Variants in TIAM1 observed in about 807,000 individuals in gnomAD.
TIAM1 encodes the protein rho guanine nucleotide exchange factor TIAM1.
In TIAM1, 65 loss-of-function variants were observed where a neutral mutation model predicts 163.5. The observed-to-expected ratio is 0.40, with a 90% confidence interval of 0.33 to 0.49. TIAM1 has a LOEUF of 0.49. Among genes scored for constraint, TIAM1 ranks in the 20% least tolerant of loss-of-function variants. The probability of loss-of-function intolerance (pLI) is 0.77; values close to 1 mark genes in which losing one functional copy is unlikely to be tolerated. For missense variants in TIAM1, 1,789 were observed against 2,044.7 expected (o/e 0.87, Z 2.41); for synonymous variants, 833 against 810.1 (o/e 1.03, Z -0.48).
chr21:31,488,254 G>A (rs1286957908), intron 1 of TIAM1, among the ~76,000 whole-genome samples: 2 of 152,200 alleles, frequency 1.3e-5, no homozygotes, highest in African/African-American at 4.8e-5. Flanking sequence ...GGTCCTCATA[G>A]CTACCCTTAT....
At chr21:31,364,902 G>A (rs1204412555) in intron 2 of TIAM1, among the ~76,000 whole-genome samples, 4 of 152,144 alleles carry the variant, frequency 2.6e-5, no homozygotes, top group Non-Finnish European at 5.9e-5. Flanking sequence ...CAATCTTTGC[G>A]AGCCATATAC....
At chr21:31,503,066 T>C (rs990317305) in intron 1 of TIAM1, among the ~76,000 whole-genome samples, 6 of 152,150 alleles carry the variant, frequency 3.9e-5, no homozygotes, top group African/African-American at 7.2e-5. Context: ...AAGGTCAAAA[T>C]TGTCCATAAT....
chr21:31,232,345 T>C (rs2088488807), intron 6 of TIAM1, among the ~76,000 whole-genome samples: 3 of 152,116 alleles, frequency 2.0e-5, no homozygotes, highest in Non-Finnish European at 2.9e-5. Flanking sequence ...TTGCTCCCAC[T>C]GTCTTGTCTA....
At chr21:31,469,271 CA>C (rs112641052) in intron 1 of TIAM1, among the ~76,000 whole-genome samples, 4,098 of 151,132 alleles carry the variant, frequency 0.027, 190 homozygotes, top group African/African-American at 0.095. Context: ...TGGGAAGCAG[CA>C]GGGGGGTTGG....
intron 2 of TIAM1, among the ~76,000 whole-genome samples, chr21:31,356,915 C>T (rs965933041): frequency 4.6e-5 from 7 of 152,016 alleles, no homozygotes; most frequent in Admixed American, 2.6e-4. Flanking sequence ...CCCATGGGTT[C>T]GAGACCAGGC....
At chr21:31,199,556 A>C (rs1422453815) in intron 12 of TIAM1, among the ~76,000 whole-genome samples, 3 of 149,076 alleles carry the variant, frequency 2.0e-5, no homozygotes, top group Admixed American at 6.6e-5. Flanking sequence ...TTTGAGACAG[A>C]ATCTGGCTTT....
chr21:31,228,245 A>AATAATCTGATAAGGATCTTTCCTTT (rs1555897901), intron 6 of TIAM1, among the ~76,000 whole-genome samples: 1 of 67,090 alleles, frequency 1.5e-5, no homozygotes, highest in Non-Finnish European at 3.8e-5. Context: ...AAAAAAAAAA[A>AATAATCTGATAAGGATCTTTCCTTT]AAAAAAAAAA....
At chr21:31,204,992 C>T (rs1234193181) in intron 11 of TIAM1, among the ~76,000 whole-genome samples, 1 of 152,164 alleles carries the variant, frequency 6.6e-6, no homozygotes, top group African/African-American at 2.4e-5. Flanking sequence ...ATATTTGAGA[C>T]CAGATGCTCA....
intron 1 of TIAM1, among the ~76,000 whole-genome samples, chr21:31,498,594 G>C (rs1053884933): frequency 2.0e-5 from 3 of 152,178 alleles, no homozygotes; most frequent in African/African-American, 4.8e-5. Context: ...AAATGTGATT[G>C]ATATTTGTAT....
intron 2 of TIAM1, among the ~76,000 whole-genome samples, chr21:31,282,513 C>A (rs933815932): frequency 6.6e-6 from 1 of 152,178 alleles, no homozygotes; most frequent in African/African-American, 2.4e-5. Context: ...TGGCTCACAG[C>A]TGATTGTAGC....
chr21:31,218,370 C>A (rs1032122514), intron 8 of TIAM1, among the ~76,000 whole-genome samples: 1 of 152,076 alleles, frequency 6.6e-6, no homozygotes, highest in African/African-American at 2.4e-5. Flanking sequence ...GAGTTCGAGA[C>A]CAGCCTGGCC....
chr21:31,527,819 C>T (rs1325709331), intron 1 of TIAM1, among the ~76,000 whole-genome samples: 1 of 152,114 alleles, frequency 6.6e-6, no homozygotes, highest in East Asian at 1.9e-4. Context: ...CACTTGTGGT[C>T]AACAGTCTCT....
At chr21:31,536,523 C>A (rs2048140402) in intron 1 of TIAM1, among the ~76,000 whole-genome samples, 1 of 152,200 alleles carries the variant, frequency 6.6e-6, no homozygotes, top group Admixed American at 6.5e-5. Context: ...AAACTCTCAC[C>A]CGATACTCTT....
At chr21:31,329,311 T>C (rs2075599264) in intron 2 of TIAM1, among the ~76,000 whole-genome samples, 1 of 152,184 alleles carries the variant, frequency 6.6e-6, no homozygotes, top group Admixed American at 6.5e-5. Context: ...AGATGCTGAC[T>C]TCAAAAGTCA....
At chr21:31,313,493 G>A (rs2075003109) in intron 2 of TIAM1, among the ~76,000 whole-genome samples, 1 of 152,172 alleles carries the variant, frequency 6.6e-6, no homozygotes, top group South Asian at 2.1e-4. Flanking sequence ...TCACAATATA[G>A]AGAAAAGAAA....
At position 31,266,419 on chromosome 21, in the gene TIAM1, A is replaced by G. The variant is rs756487781; in HGVS notation, c.554T>C (p.Leu185Pro). 3.1e-6 allele frequency: 5 copies of G among 1,614,182 alleles called. No homozygotes were observed. Among genetic ancestry groups the G allele is most frequent in the Non-Finnish European group, 4.2e-6 (5 of 1,180,040 alleles). ...IWREDSLEFS[L>P]SDLSQEHLTS... is the part of the protein sequence containing the mutation. ...TAAATGTTCTTGGCTCAGATCAGAG[A>G]GTGAGAATTCCAGGCTGTCCTCCCG... Residue 185 changes from leucine to proline, a missense_variant, in exon 4 of 28, where the codon CTC becomes CCC. Leu to Pro is a moderately conservative substitution (Grantham distance 98). Around this residue, in one of 5 missense-constraint regions of TIAM1, gnomAD observed 555 missense variants for 564.9 expected, o/e 0.98. Coordinates refer to ENST00000541036, the MANE Select transcript of TIAM1 (RefSeq NM_001353694.2).
At chr21:31,494,379 C>T (rs1464592208) in intron 1 of TIAM1, among the ~76,000 whole-genome samples, 1 of 152,184 alleles carries the variant, frequency 6.6e-6, no homozygotes, top group African/African-American at 2.4e-5. Flanking sequence ...TTTCCTATTT[C>T]CAATGAAGAA....
rs139939471 is a variant in TIAM1, at chr21:31,141,763, C to T, written c.3476-259G>A. On this transcript the variant is annotated intron_variant, in intron 20 of 27. Transcript: ENST00000541036. The surrounding 1 kb of genome is among the most constrained non-coding windows in gnomAD (Gnocchi z 4.7). Reference sequence around the variant, plus strand: ...TGACGGAGTGTAGACTGCAGACACCCGGATTTCCAGCGGCTGCTCTTTATC... The same window carrying T: ...TGACGGAGTGTAGACTGCAGACACCTGGATTTCCAGCGGCTGCTCTTTATC... Among the ~76,000 whole-genome samples the T allele has an allele frequency of 1.6e-3, 240 of 152,112 alleles. 1 individual carries two copies. The highest frequency in any genetic ancestry group is 5.0e-3 in the African/African-American group (209 of 41,482).
chr21:31,313,168 C>T lies in TIAM1; in HGVS notation c.-189+26075G>A, dbSNP rs940572054. On this transcript the variant is annotated intron_variant, in intron 2 of 27. Transcript: ENST00000541036. ...AAGTTTTCATGCGTAATTTTCTTTT[C>T]TAAGAATGTGAATACATTTATTTGC... 2.0e-5 allele frequency among the ~76,000 whole-genome samples: 3 copies of T among 152,192 alleles called. 1 individual carries two copies. Among genetic ancestry groups the T allele is most frequent in the Admixed American group, 2.0e-4 (3 of 15,272 alleles).
Sources: gnomAD v4.1 joint callset for allele counts (sites outside exome capture counted in the v4.1 genomes callset) on GRCh38, gnomAD v4.1.1 for gene constraint, gnomAD v4.1.1 regional missense constraint, Gnocchi (gnomAD v3.1) non-coding constraint, MANE v1.5 for transcripts, NCBI Gene and HGNC (gene_info 2026-07-23, HGNC 2026-07-21) for gene names.